The following PIGZ variants were observed in gnomAD, a reference collection of about 807,000 sequenced individuals.
PIGZ encodes phosphatidylinositol glycan anchor biosynthesis class Z (Gwada blood group).
PIGZ carries 16 observed loss-of-function variants against 16.4 expected under a neutral mutation model. The ratio of observed to expected loss-of-function variants is 0.97; its 90% CI spans 0.66 to 1.48. The LOEUF is 1.48. PIGZ is among the 40% of genes most tolerant of loss of function. PIGZ has a pLI of 0.00. For missense variants in PIGZ, 770 were observed against 739.2 expected (o/e 1.04, Z -0.48); for synonymous variants, 409 against 338.4 (o/e 1.21, Z -2.29).
chr3:196,966,921 A>C (rs1186715121), intron 1 of PIGZ, among the ~76,000 whole-genome samples: 1 of 152,036 alleles, frequency 6.6e-6, no homozygotes, highest in Non-Finnish European at 1.5e-5. Flanking sequence ...TCGTGAGCGG[A>C]AGGCTTTAGG....
intron 1 of PIGZ, among the ~76,000 whole-genome samples, chr3:196,961,955 C>T (rs978956205): frequency 6.6e-6 from 1 of 152,140 alleles, no homozygotes; most frequent in South Asian, 2.1e-4. Flanking sequence ...GTCCACCACC[C>T]CAGACTCTGG....
At chr3:196,959,904 G>A (rs1717640978) in intron 1 of PIGZ, among the ~76,000 whole-genome samples, 1 of 152,184 alleles carries the variant, frequency 6.6e-6, no homozygotes, top group Non-Finnish European at 1.5e-5. Context: ...TTGAAGTTGG[G>A]TTATGCAAAT....
chr3:196,966,755 C>T (rs536438701), intron 1 of PIGZ, among the ~76,000 whole-genome samples: 10 of 152,366 alleles, frequency 6.6e-5, no homozygotes, highest in African/African-American at 2.4e-4. Context: ...ACAGAGCCAA[C>T]GCCAAGCATG....
At chr3:196,951,685 G>T in intron 2 of PIGZ, 136 bp downstream of exon 2, 1 of 813,352 alleles carries the variant, frequency 1.2e-6, no homozygotes, top group South Asian at 1.7e-5. Context: ...TTACCCCAGA[G>T]AGAGAGGCTG....
At chr3:196,952,613 T>C (rs2108905270) in intron 1 of PIGZ, among the ~76,000 whole-genome samples, 1 of 152,312 alleles carries the variant, frequency 6.6e-6, no homozygotes, top group African/African-American at 2.4e-5. Context: ...AATTTTTGTA[T>C]TTTTAGTAGA....
At chr3:196,963,917 T>C (rs947083008) in intron 1 of PIGZ, among the ~76,000 whole-genome samples, 5 of 152,262 alleles carry the variant, frequency 3.3e-5, no homozygotes, top group Admixed American at 2.0e-4. Context: ...TCTCATGGTT[T>C]CCATTTCTAC....
rs770551338 is a variant in PIGZ, at chr3:196,947,288, G to C, written c.1609C>G (p.Pro537Ala). ...AATAAAAGTGTTTCATTCTTGAAGGGGAAGCTGCACTTCTCCACGGCACGC... is the reference window on the plus strand; with the variant it reads ...AATAAAAGTGTTTCATTCTTGAAGGCGAAGCTGCACTTCTCCACGGCACGC... Reference protein sequence around the residue: ...TRRAVEKCSFPFKNETLLFPH... With the variant: ...TRRAVEKCSFAFKNETLLFPH... The change falls in exon 3 of 3, where the codon CCC (proline) becomes GCC (alanine). Residue 537 changes from proline to alanine, a missense_variant. Pro to Ala is a conservative substitution (Grantham distance 27). Coordinates refer to ENST00000412723, the MANE Select transcript of PIGZ (RefSeq NM_025163.4). 6.2e-7 allele frequency: 1 copy of C among 1,614,046 alleles called. No homozygotes were observed. Among genetic ancestry groups the C allele is most frequent in the African/African-American group, 1.3e-5 (1 of 74,934 alleles).
intron 1 of PIGZ, among the ~76,000 whole-genome samples, chr3:196,964,861 A>G (rs750504108): frequency 1.3e-5 from 2 of 152,106 alleles, no homozygotes; most frequent in Non-Finnish European, 2.9e-5. Context: ...CTCAGCCTCT[A>G]TGAACCTATT....
chr3:196,952,981 T>C (rs1321540769), intron 1 of PIGZ, among the ~76,000 whole-genome samples: 2 of 152,104 alleles, frequency 1.3e-5, no homozygotes, highest in Admixed American at 1.3e-4. Context: ...TCTCAGGCCG[T>C]CGGACTAGGA....
intron 1 of PIGZ, among the ~76,000 whole-genome samples, chr3:196,959,944 GAGAC>G (rs1717642532): frequency 6.6e-6 from 1 of 152,226 alleles, no homozygotes; most frequent in South Asian, 2.1e-4. Flanking sequence ...AAGCAGATGT[GAGAC>G]AGGCCATATT....
At chr3:196,966,624 C>A (rs1157405231) in intron 1 of PIGZ, among the ~76,000 whole-genome samples, 1 of 152,230 alleles carries the variant, frequency 6.6e-6, no homozygotes, top group South Asian at 2.1e-4. Flanking sequence ...CGTAGTGGGG[C>A]ATCGACCATA....
intron 1 of PIGZ, among the ~76,000 whole-genome samples, chr3:196,963,044 C>G (rs1032229449): frequency 6.6e-6 from 1 of 152,256 alleles, no homozygotes; most frequent in Non-Finnish European, 1.5e-5. Context: ...GGGGCAGGCC[C>G]CCTTCAGTCT....
intron 2 of PIGZ, among the ~76,000 whole-genome samples, chr3:196,950,714 A>G (rs1717243312): frequency 6.6e-6 from 1 of 152,114 alleles, no homozygotes; most frequent in African/African-American, 2.4e-5. Context: ...TGATGCCTCC[A>G]AAATATCTAT....
rs767718518 is a variant in PIGZ at position 196,947,328 on chromosome 3, G to T, written c.1569C>A (p.Thr523=). 1.2e-6 allele frequency: 2 copies of T among 1,614,204 alleles called. No homozygotes were observed. Among genetic ancestry groups the T allele is most frequent in the Non-Finnish European group, 8.5e-7 (1 of 1,180,038 alleles). The change falls in exon 3 of 3, where the codon ACC becomes ACA. Residue 523 remains threonine, a synonymous_variant. Transcript: ENST00000412723. ...GPWLCRLFVV[T]PGTTRRAVEK... is the part of the protein sequence containing the mutation. ...CCACGGCACGCCTGGTGGTGCCAGG[G>T]GTTACCACAAAGAGGCGGCAGAGCC...
In PIGZ at chr3:196,947,824, C is replaced by T; in HGVS notation, c.1073G>A (p.Gly358Asp). 6.2e-7 allele frequency: 1 copy of T among 1,610,378 alleles called. No homozygotes were observed. Among genetic ancestry groups the T allele is most frequent in the Non-Finnish European group, 8.5e-7 (1 of 1,177,632 alleles). ...GGGGCTGGACAGCAGGCTCCGGGCA[C>T]CCAGTGCCCTCAGGAGGCCCATTTG... ...SAQMGLLRAL[G>D]ARSLLSSPRS... Residue 358 changes from glycine (G) to aspartate (D), a missense_variant, in exon 3 of 3, where the codon GGT becomes GAT. Coordinates refer to ENST00000412723, the MANE Select transcript of PIGZ (RefSeq NM_025163.4).
rs746977517 is a variant in PIGZ at position 196,948,575 on chromosome 3, T to C, written c.322A>G (p.Arg108Gly). ...CACGGCCCCAGCTCCTCCCAGAGCC[T>C]GAGCAGCCAGAAGGTGGAACCAGAG... Reference protein sequence around the residue: ...LISGSTFWLLRLWEELGPWPG... With the variant: ...LISGSTFWLLGLWEELGPWPG... Residue 108 changes from arginine (R) to glycine (G), a missense_variant, in exon 3 of 3, where the codon AGG becomes GGG. By Grantham distance (125) the Arg-to-Gly change is moderately radical (BLOSUM62 -2). Coordinates refer to ENST00000412723, the MANE Select transcript of PIGZ (RefSeq NM_025163.4). The C allele has an allele frequency of 1.3e-6, 2 of 1,589,576 alleles. No homozygotes were observed. Among genetic ancestry groups the C allele is most frequent in the Non-Finnish European group, 1.7e-6 (2 of 1,169,044 alleles).
rs1055984136 is a variant in PIGZ, at chr3:196,947,083, C to G, written c.*74G>C. ...CGGGGTCCTGTCCCAGCGTCCCAGC[C>G]CAGCTACCCAAGTAGAAGGTGGGGC... On this transcript the variant is annotated 3_prime_UTR_variant, in exon 3 of 3. Transcript: ENST00000412723. 2.1e-6 allele frequency: 3 copies of G among 1,399,600 alleles called. No individual in the cohort carries two copies. In the African/African-American group the frequency reaches 4.3e-5, roughly 20 times the overall value. The allele number at this position is 1,399,600 out of a possible 1,614,324, so 86.7% of individuals were successfully genotyped here.
intron 1 of PIGZ, among the ~76,000 whole-genome samples, chr3:196,966,466 G>A (rs9823916): frequency 0.16 from 24,385 of 152,176 alleles, 2,840 homozygotes; most frequent in African/African-American, 0.33. Flanking sequence ...GGCGCCATGC[G>A]CTGACTGTTG....
intron 1 of PIGZ, among the ~76,000 whole-genome samples, chr3:196,962,795 TC>T (rs779811585): frequency 2.1e-4 from 32 of 152,332 alleles, no homozygotes; most frequent in Non-Finnish European, 3.8e-4. Flanking sequence ...TCACATGTTT[TC>T]CTGTTGACCC....
Sources: gnomAD v4.1 joint callset for allele counts (sites outside exome capture counted in the v4.1 genomes callset) on GRCh38, gnomAD v4.1.1 for gene constraint, MANE v1.5 for transcripts, NCBI Gene and HGNC (gene_info 2026-07-23, HGNC 2026-07-21) for gene names.